The following TAFA5 variants were observed in gnomAD, a reference collection of about 807,000 sequenced individuals.
TAFA5 encodes the protein TAFA chemokine like family member 5.
TAFA5 carries 6 observed loss-of-function variants against 15.3 expected under a neutral mutation model. That is an observed-to-expected ratio of 0.39 (90% CI 0.21 to 0.77). The LOEUF is 0.77. Ranked by LOEUF, TAFA5 falls within the 30% of genes least tolerant of loss-of-function variation. TAFA5 has a pLI of 0.41. For missense variants in TAFA5, 161 were observed against 193.1 expected, an observed-to-expected ratio of 0.83 and a Z score of 0.98; for synonymous variants, 103 against 80.7, an observed-to-expected ratio of 1.28 and a Z score of -1.48.
At chr22:48,548,760 G>A (rs1428029624) in intron 1 of TAFA5, among the ~76,000 whole-genome samples, 1 of 152,252 alleles carries the variant, frequency 6.6e-6, no homozygotes, top group Non-Finnish European at 1.5e-5. Flanking sequence ...GCAGGTGAGA[G>A]CGTGCATGAG....
intron 3 of TAFA5, among the ~76,000 whole-genome samples, chr22:48,737,943 C>T (rs1004796145): frequency 2.0e-5 from 3 of 152,062 alleles, no homozygotes; most frequent in Admixed American, 6.5e-5. Context: ...CCTGTTGTGC[C>T]TCCTGCGGTT....
chr22:48,560,971 G>A lies in TAFA5; in HGVS notation c.112+71267G>A, dbSNP rs1053665340. On this transcript the variant is annotated intron_variant, in intron 1 of 3. Transcript: ENST00000402357. This position sits in a 1 kb window ranked among gnomAD's most constrained non-coding sequence, Gnocchi z 4.2. Reference sequence around the variant, plus strand: ...TGTGTGTGAGCAGTTCTCATCCTGTGCAGTCCTCTACACCTGGGGATGGAG... The same window carrying A: ...TGTGTGTGAGCAGTTCTCATCCTGTACAGTCCTCTACACCTGGGGATGGAG... Among the ~76,000 whole-genome samples the A allele has an allele frequency of 3.3e-5, 5 of 152,122 alleles. No individual in the cohort carries two copies. Among genetic ancestry groups the A allele is most frequent in the African/African-American group, 1.2e-4 (5 of 41,418 alleles).
intron 1 of TAFA5, chr22:48,539,410 C>T (rs1922281682): frequency 4.2e-6 from 2 of 471,086 alleles, no homozygotes; most frequent in Middle Eastern, 3.2e-4. Context: ...GTTACTGTTT[C>T]CCAGGCAGGA....
chr22:48,531,094 C>T (rs1236785725), intron 1 of TAFA5, among the ~76,000 whole-genome samples: 1 of 152,056 alleles, frequency 6.6e-6, no homozygotes, highest in African/African-American at 2.4e-5. Flanking sequence ...CAGGAGCCAC[C>T]ACACTGCCTG....
intron 2 of TAFA5, among the ~76,000 whole-genome samples, chr22:48,664,565 T>C (rs1927549937): frequency 1.3e-5 from 2 of 152,078 alleles, no homozygotes; most frequent in Non-Finnish European, 2.9e-5. Context: ...TACAGGCAAA[T>C]TGGAAATTGT....
At chr22:48,663,218 G>A (rs1164907736) in intron 2 of TAFA5, among the ~76,000 whole-genome samples, 1 of 152,242 alleles carries the variant, frequency 6.6e-6, no homozygotes, top group Middle Eastern at 3.2e-3. Context: ...GGGAAGGGAA[G>A]GATATTTCTA....
intron 1 of TAFA5, among the ~76,000 whole-genome samples, chr22:48,634,262 A>T (rs761781): frequency 0.16 from 23,717 of 151,726 alleles, 2,418 homozygotes; most frequent in East Asian, 0.4. Flanking sequence ...TCATTTACTC[A>T]TTCACTCATC....
At chr22:48,522,301 G>C (rs1921629687) in intron 1 of TAFA5, among the ~76,000 whole-genome samples, 1 of 151,998 alleles carries the variant, frequency 6.6e-6, no homozygotes, top group Non-Finnish European at 1.5e-5. Flanking sequence ...GGCGGCAGCT[G>C]CCTTGGGGGC....
At chr22:48,600,621 C>A (rs1924933760) in intron 1 of TAFA5, among the ~76,000 whole-genome samples, 1 of 152,212 alleles carries the variant, frequency 6.6e-6, no homozygotes, top group South Asian at 2.1e-4. Context: ...TCTTCCATTT[C>A]ATTTTCTCTG....
Position 48,713,660 on chromosome 22 carries a change from G to A in TAFA5, c.390+5816G>A, listed in dbSNP as rs142379667. 7.2e-5 allele frequency among the ~76,000 whole-genome samples: 11 copies of A among 152,314 alleles called. 1 individual carries two copies. In the East Asian group the frequency reaches 1.2e-3, roughly 16 times the overall value. On this transcript the variant is annotated intron_variant, in intron 3 of 3. Coordinates refer to ENST00000402357, the MANE Select transcript of TAFA5 (RefSeq NM_001082967.3). ...TCCAGCAGTGCTGAGCGTCGTCCAC[G>A]GGGGCCTTGTTTGGGATTTAGGAGC...
At chr22:48,661,908 TG>T (rs1281152122) in intron 2 of TAFA5, among the ~76,000 whole-genome samples, 30 of 103,824 alleles carry the variant, frequency 2.9e-4, no homozygotes, top group African/African-American at 2.6e-4. Flanking sequence ...AGATGGTGAC[TG>T]GGGGGCTCAT....
At chr22:48,633,526 CTG>C (rs764773580) in intron 1 of TAFA5, among the ~76,000 whole-genome samples, 3,519 of 123,356 alleles carry the variant, frequency 0.029, 105 homozygotes, top group Non-Finnish European at 0.036. Flanking sequence ...GTCTGTCTGT[CTG>C]TCTGTCTCTC....
At chr22:48,586,730 G>A (rs2147153013) in intron 1 of TAFA5, among the ~76,000 whole-genome samples, 1 of 152,370 alleles carries the variant, frequency 6.6e-6, no homozygotes, top group East Asian at 1.9e-4. Context: ...GGTGGGCGGA[G>A]TCTTTGAAGT....
chr22:48,575,473 C>T lies in TAFA5; in HGVS notation c.113-71124C>T, dbSNP rs1351883291. ...AGCGACTGCGCCGCGCTCCCCCTCC[C>T]GCCGCCTCCCCCGAGGAGCCGGCGC... On this transcript the variant is annotated intron_variant, in intron 1 of 3. Coordinates refer to ENST00000402357, the MANE Select transcript of TAFA5 (RefSeq NM_001082967.3). Among the ~76,000 whole-genome samples the T allele has an allele frequency of 7.5e-5, 11 of 146,360 alleles. No individual in the cohort carries two copies. In the East Asian group the frequency reaches 2.0e-3, roughly 26 times the overall value.
chr22:48,668,686 C>T (rs1445693721), intron 2 of TAFA5, among the ~76,000 whole-genome samples: 1 of 150,676 alleles, frequency 6.6e-6, no homozygotes, highest in East Asian at 2.0e-4. Flanking sequence ...CTGTAATCCC[C>T]CAGCACTCGG....
chr22:48,604,538 A>C (rs1368426865), intron 1 of TAFA5, among the ~76,000 whole-genome samples: 1 of 152,190 alleles, frequency 6.6e-6, no homozygotes, highest in Non-Finnish European at 1.5e-5. Context: ...GGGAGTGCTC[A>C]AGCTTGGGAG....
intron 1 of TAFA5, among the ~76,000 whole-genome samples, chr22:48,491,882 T>G (rs1440433301): frequency 6.6e-6 from 1 of 152,200 alleles, no homozygotes; most frequent in Non-Finnish European, 1.5e-5. Context: ...AAACAGCCTT[T>G]CGCCAGGACA....
rs1025238325 is a variant in TAFA5, at chr22:48,522,384, G to A, written c.112+32680G>A. On this transcript the variant is annotated intron_variant, in intron 1 of 3. Transcript: ENST00000402357. ...GGGGGGATGCAGACCCCCCAGGTCCGGAGGCGGCCACCTCCCATCCACTGG... is the reference window on the plus strand; with the variant it reads ...GGGGGGATGCAGACCCCCCAGGTCCAGAGGCGGCCACCTCCCATCCACTGG... 5.9e-5 allele frequency among the ~76,000 whole-genome samples: 9 copies of A among 152,208 alleles called. No individual in the cohort carries two copies. The East Asian group carries it at 1.6e-3, about 26-fold the overall frequency.
chr22:48,611,306 C>T (rs1384712589), intron 1 of TAFA5, among the ~76,000 whole-genome samples: 1 of 152,236 alleles, frequency 6.6e-6, no homozygotes, highest in Non-Finnish European at 1.5e-5. Flanking sequence ...CCTTCCTTCA[C>T]CTGCTCCCCT....
Sources: allele counts gnomAD v4.1 joint callset (sites outside exome capture counted in the v4.1 genomes callset), GRCh38; gene constraint gnomAD v4.1.1; non-coding constraint Gnocchi (gnomAD v3.1); transcripts MANE v1.5; gene names NCBI Gene and HGNC (gene_info 2026-07-23, HGNC 2026-07-21).